WDR27: variants seen among roughly 807,000 people sequenced by gnomAD.
WDR27 encodes the protein WD repeat domain 27.
WDR27 carries 100 observed loss-of-function variants against 114.4 expected under a neutral mutation model. The observed-to-expected ratio is 0.87, with a 90% confidence interval of 0.74 to 1.03. The LOEUF (loss-of-function observed/expected upper bound fraction) is 1.03, where lower values mean the gene tolerates loss of function less well. Ranked by LOEUF, WDR27 falls within the 50% of genes least tolerant of loss-of-function variation. The pLI, the probability that WDR27 is intolerant of heterozygous loss-of-function variation, is 0.00. For synonymous variants in WDR27, 449 were observed against 423.1 expected (o/e 1.06, Z -0.75); for missense variants, 1,129 against 1,092.9 (o/e 1.03, Z -0.47).
At chr6:169,507,667 A>C (rs1228026245) in intron 25 of WDR27, among the ~76,000 whole-genome samples, 1 of 152,232 alleles carries the variant, frequency 6.6e-6, no homozygotes, top group Non-Finnish European at 1.5e-5. Flanking sequence ...AGACCTGCTC[A>C]TTGCCTGTTT....
intron 23 of WDR27, among the ~76,000 whole-genome samples, chr6:169,592,054 T>C (rs1043773586): frequency 6.6e-6 from 1 of 152,066 alleles, no homozygotes; most frequent in African/African-American, 2.4e-5. Flanking sequence ...TAAGAAATAC[T>C]GGTATTCGTG....
intron 25 of WDR27, among the ~76,000 whole-genome samples, chr6:169,516,810 C>CACACACACAA (rs1793719034): frequency 6.6e-6 from 1 of 151,214 alleles, no homozygotes; most frequent in African/African-American, 2.4e-5. Flanking sequence ...CACACACACA[C>CACACACACAA]ACACACACAC....
chr6:169,631,637 G>C (rs1816402464), intron 21 of WDR27, among the ~76,000 whole-genome samples: 4 of 152,160 alleles, frequency 2.6e-5, no homozygotes, highest in Admixed American at 2.6e-4. Flanking sequence ...GAGCCATCCA[G>C]ACCGACATGC....
At chr6:169,682,736 C>T (rs569562897) in intron 2 of WDR27, among the ~76,000 whole-genome samples, 31 of 152,216 alleles carry the variant, frequency 2.0e-4, no homozygotes, top group Admixed American at 7.2e-4. Flanking sequence ...AAATAAGTTG[C>T]GACAGACTGA....
At position 169,655,144 on chromosome 6, in the gene WDR27, C is replaced by G. The variant is rs147604258; in HGVS notation, c.1402+3132G>C. On this transcript the variant is annotated intron_variant, in intron 13 of 25. Coordinates refer to ENST00000448612, the MANE Select transcript of WDR27 (RefSeq NM_182552.5). ...TGGGTTTTCCGTCCTCCTGTGACCA[C>G]CCAGTGCTATTCTTGTCTCACACTG... is the stretch of plus-strand genomic sequence containing the variant. Among the ~76,000 whole-genome samples the G allele has an allele frequency of 7.9e-5, 12 of 152,386 alleles. No homozygotes were observed. In the East Asian group the frequency reaches 1.5e-3, roughly 20 times the overall value.
At chr6:169,595,950 T>C (rs538134615) in intron 23 of WDR27, among the ~76,000 whole-genome samples, 3 of 152,112 alleles carry the variant, frequency 2.0e-5, no homozygotes, top group Non-Finnish European at 2.9e-5. Context: ...CCAATGTTTT[T>C]TTAACAAAAA....
chr6:169,544,976 T>C (rs1404950965), intron 25 of WDR27, among the ~76,000 whole-genome samples: 3 of 152,204 alleles, frequency 2.0e-5, no homozygotes, highest in African/African-American at 2.4e-5. Context: ...AAATGTAAAT[T>C]CTCCCCTAGA....
intron 2 of WDR27, among the ~76,000 whole-genome samples, chr6:169,677,844 G>A (rs1780459497): frequency 6.6e-6 from 1 of 152,250 alleles, no homozygotes; most frequent in Non-Finnish European, 1.5e-5. Context: ...TTGGGCTGCT[G>A]TTTCAGAGGG....
At position 169,508,342 on chromosome 6, in the gene WDR27, T is replaced by A. The variant is rs117132722; in HGVS notation, c.2646-50708A>T. Among the ~76,000 whole-genome samples, 206 of 152,334 alleles carry A rather than the reference T, an allele frequency of 1.4e-3. 4 individuals are homozygous for A. The East Asian group carries it at 0.032, about 24-fold the overall frequency. ...AATGAGGAAAGCCATACACCAATTA[T>A]TAGTTGATTAAATCATGGTTGATTG... On this transcript the variant is annotated intron_variant, in intron 25 of 25. Coordinates refer to ENST00000448612, the MANE Select transcript of WDR27 (RefSeq NM_182552.5).
intron 25 of WDR27, among the ~76,000 whole-genome samples, chr6:169,562,246 C>T (rs1469485449): frequency 6.6e-6 from 1 of 152,138 alleles, no homozygotes; most frequent in African/African-American, 2.4e-5. Flanking sequence ...ACATTCTTTC[C>T]AGGTGTACAC....
At chr6:169,683,378 A>G (rs1782034830) in intron 2 of WDR27, among the ~76,000 whole-genome samples, 1 of 152,222 alleles carries the variant, frequency 6.6e-6, no homozygotes, top group Non-Finnish European at 1.5e-5. Flanking sequence ...CAAAAACCTT[A>G]CAGGCAAGAA....
chr6:169,675,018 C>A (rs867745976), intron 2 of WDR27, among the ~76,000 whole-genome samples: 1 of 152,090 alleles, frequency 6.6e-6, no homozygotes, highest in South Asian at 2.1e-4. Context: ...CGGGAACAGG[C>A]CATTTTCACT....
At chr6:169,601,472 T>G (rs1034297611) in intron 23 of WDR27, among the ~76,000 whole-genome samples, 25 of 152,244 alleles carry the variant, frequency 1.6e-4, no homozygotes, top group African/African-American at 6.0e-4. Context: ...TACTACATTT[T>G]GTAAATGAAA....
intron 25 of WDR27, among the ~76,000 whole-genome samples, chr6:169,539,609 C>T (rs1442999615): frequency 1.3e-5 from 2 of 152,182 alleles, no homozygotes; most frequent in Non-Finnish European, 2.9e-5. Context: ...AGTCTTTCAT[C>T]CCAGCCCTCC....
intron 1 of WDR27, among the ~76,000 whole-genome samples, chr6:169,690,926 T>G (rs904512894): frequency 6.6e-6 from 1 of 152,080 alleles, no homozygotes; most frequent in Non-Finnish European, 1.5e-5. Context: ...TGAAAATACT[T>G]CAAAAGAGGC....
chr6:169,478,567 A>C (rs1787522487), intron 25 of WDR27, among the ~76,000 whole-genome samples: 1 of 152,190 alleles, frequency 6.6e-6, no homozygotes. Flanking sequence ...CCAAAGAAAA[A>C]AAAAAGATGG....
chr6:169,581,708 T>A (rs1240437151), intron 24 of WDR27, among the ~76,000 whole-genome samples: 1 of 152,238 alleles, frequency 6.6e-6, no homozygotes, highest in Admixed American at 6.5e-5. Context: ...ATGCACTTAC[T>A]CATTTCCAAT....
At chr6:169,538,438 C>T (rs73792926) in intron 25 of WDR27, among the ~76,000 whole-genome samples, 2,482 of 152,260 alleles carry the variant, frequency 0.016, 63 homozygotes, top group African/African-American at 0.057. Flanking sequence ...GGAAGCAAAG[C>T]AAATGGTTGG....
intron 25 of WDR27, among the ~76,000 whole-genome samples, chr6:169,508,190 C>T (rs1392386152): frequency 6.6e-6 from 1 of 152,140 alleles, no homozygotes; most frequent in Non-Finnish European, 1.5e-5. Flanking sequence ...ACTCACAGGA[C>T]AGCAGTGATC....
Sources: allele counts gnomAD v4.1 joint callset (sites outside exome capture counted in the v4.1 genomes callset), GRCh38; gene constraint gnomAD v4.1.1; transcripts MANE v1.5; gene names NCBI Gene and HGNC (gene_info 2026-07-23, HGNC 2026-07-21).